The following ACER1 variants were observed in gnomAD, a reference collection of about 807,000 sequenced individuals.
ACER1 encodes the protein CTB-180A7.3.
In ACER1, 28 loss-of-function variants were observed where a neutral mutation model predicts 24.9. The ratio of observed to expected loss-of-function variants is 1.13; its 90% CI spans 0.83 to 1.54. ACER1 has a LOEUF of 1.54. ACER1 is among the 40% of genes most tolerant of loss of function. The probability of loss-of-function intolerance (pLI) is 0.00; values close to 1 mark genes in which losing one functional copy is unlikely to be tolerated. For missense variants in ACER1, 352 were observed against 349.3 expected (o/e 1.01, Z -0.06); for synonymous variants, 132 against 131.4 (o/e 1.00, Z -0.03).
At position 6,306,477 on chromosome 19, in the gene ACER1, G is replaced by A. The variant is rs534317452; in HGVS notation, c.*237C>T. 1.7e-5 allele frequency: 8 copies of A among 477,762 alleles called. No homozygotes were observed. The highest frequency in any genetic ancestry group is 3.0e-5 in the Non-Finnish European group (8 of 266,082). 29.6% of individuals were successfully genotyped at this position (477,762 alleles called of 1,614,324 possible). The stretch of plus-strand genomic sequence containing the variant: ...AGGAGGAAATGAAAGAGGATGGGGG[G>A]GGTCATGGAGGGGAGATGCACGAGA... On this transcript the variant is annotated 3_prime_UTR_variant, in exon 6 of 6. Transcript: ENST00000301452.
rs374057502 is a variant in ACER1 at position 6,306,737 on chromosome 19, G to A, written c.772C>T (p.Arg258Trp). The change falls in exon 6 of 6, where the codon CGG becomes TGG. Residue 258 changes from arginine (R) to tryptophan (W), a missense_variant. By Grantham distance (101) the Arg-to-Trp change is moderately radical. Coordinates refer to ENST00000301452, the MANE Select transcript of ACER1 (RefSeq NM_133492.3). ...TCTCAGCAGTCCTTGTCATCACCCC[G>A]GATTTCCACGTAGGGCAGCCCCACG... The part of the protein sequence containing the change: ...WPVGLPYVEI[R>W]GDDKDC The A allele has an allele frequency of 2.3e-4, 371 of 1,612,222 alleles. No individual in the cohort carries two copies. The highest frequency in any genetic ancestry group is 9.1e-4 in the East Asian group (41 of 44,888).
At chr19:6,328,615 G>C (rs987701162) in intron 1 of ACER1, among the ~76,000 whole-genome samples, 1 of 151,802 alleles carries the variant, frequency 6.6e-6, no homozygotes, top group Non-Finnish European at 1.5e-5. Context: ...GGAAGTGAAG[G>C]CACAAGGATT....
Position 6,324,721 on chromosome 19 carries a change from T to C in ACER1, c.93+8738A>G, listed in dbSNP as rs138804928. On this transcript the variant is annotated intron_variant, in intron 1 of 5. Transcript: ENST00000301452. ...CAGAGATTGCACTGTTGCACTTTAG[T>C]CTGGGCAACAAGAGCGAAACTCCAT... Among the ~76,000 whole-genome samples the C allele has an allele frequency of 4.5e-3, 679 of 150,802 alleles. 5 individuals carry two copies. The highest frequency in any genetic ancestry group is 0.016 in the African/African-American group (641 of 40,986).
chr19:6,352,218 A>G, the ACER1 span, among the ~76,000 whole-genome samples: 1 of 152,024 alleles, frequency 6.6e-6, no homozygotes, highest in Admixed American at 6.6e-5. Context: ...AGTCTATTTC[A>G]TCTCCTCTTC....
upstream of ACER1, among the ~76,000 whole-genome samples, chr19:6,336,819 CA>C (rs57500077): frequency 0.081 from 5,458 of 67,710 alleles, 144 homozygotes; most frequent in African/African-American, 0.14. Flanking sequence ...GACCCCGACT[CA>C]AAAAAAAAAA....
chr19:6,333,543 G>T lies in ACER1; in HGVS notation c.9C>A (p.Ser3Arg), dbSNP rs754815790. The change falls in exon 1 of 6, where the codon AGC becomes AGA. Residue 3 changes from serine (S) to arginine (R), a missense_variant. By Grantham distance (110) the Ser-to-Arg change is moderately radical (BLOSUM62 -1). Transcript: ENST00000301452. The part of the protein sequence containing the change: MP[S>R]IFAYQSSEVD... Reference sequence around the variant, plus strand: ...CCTCGGAGCTCTGATAGGCGAAGATGCTAGGCATCTTGTCTCAGTGGCCAC... The same window carrying T: ...CCTCGGAGCTCTGATAGGCGAAGATTCTAGGCATCTTGTCTCAGTGGCCAC... 1.3e-6 allele frequency: 2 copies of T among 1,582,124 alleles called. No homozygotes were observed. Among genetic ancestry groups the T allele is most frequent in the African/African-American group, 2.7e-5 (2 of 74,376 alleles).
At chr19:6,314,835 T>C (rs1025413645) in intron 1 of ACER1, among the ~76,000 whole-genome samples, 10 of 152,098 alleles carry the variant, frequency 6.6e-5, no homozygotes, top group African/African-American at 1.4e-4. Flanking sequence ...AACCCAATGA[T>C]TGGATAAAGA....
chr19:6,341,574 T>C, the ACER1 span, among the ~76,000 whole-genome samples: 1,892 of 151,546 alleles, frequency 0.012, 41 homozygotes, highest in African/African-American at 0.045. Flanking sequence ...AAAGGAACTA[T>C]ACCCATCTTA....
the ACER1 span, among the ~76,000 whole-genome samples, chr19:6,356,100 G>A: frequency 1.3e-5 from 2 of 151,452 alleles, no homozygotes; most frequent in African/African-American, 2.5e-5. Flanking sequence ...GGTAGACACG[G>A]GAGACTTTTC....
intron 1 of ACER1, among the ~76,000 whole-genome samples, chr19:6,331,902 G>A (rs75115707): frequency 6.6e-6 from 1 of 152,058 alleles, no homozygotes; most frequent in Non-Finnish European, 1.5e-5. Flanking sequence ...TATGGGCATG[G>A]CATAGCTGCA....
chr19:6,333,657 G>C, upstream of ACER1: 1 of 955,544 alleles, frequency 1.0e-6, no homozygotes, highest in South Asian at 1.7e-5. Flanking sequence ...GGTGCCCCGC[G>C]GCAGGCAGAC....
the ACER1 span, among the ~76,000 whole-genome samples, chr19:6,339,707 GCC>G: frequency 3.3e-5 from 5 of 151,940 alleles, no homozygotes; most frequent in Non-Finnish European, 7.4e-5. Flanking sequence ...TCTCTCTGTT[GCC>G]CAGGCTGGAG....
At position 6,311,625 on chromosome 19, in the gene ACER1, GAGGAGGAGAAGAAGAAGAAGAAGGAGA is replaced by G. The variant is rs1005061674; in HGVS notation, c.350+497_350+523del. ...GAAGAAGAAGGAGAAGGAGAAGGAG[GAGGAGGAGAAGAAGAAGAAGAAGGAGA>G]AGGAGGAGGAGAAGGAGGAGGAGAA... On this transcript the variant is annotated intron_variant, in intron 3 of 5. Transcript: ENST00000301452. 7.4e-5 allele frequency among the ~76,000 whole-genome samples: 11 copies of G among 148,644 alleles called. No homozygotes were observed. In the East Asian group the frequency reaches 2.1e-3, roughly 29 times the overall value.
chr19:6,356,184 G>C, the ACER1 span, among the ~76,000 whole-genome samples: 1 of 150,352 alleles, frequency 6.7e-6, no homozygotes, highest in Non-Finnish European at 1.5e-5. Flanking sequence ...CCAACCCTGT[G>C]CTCTCTGAAA....
intron 1 of ACER1, among the ~76,000 whole-genome samples, chr19:6,315,039 CT>C (rs35414377): frequency 0.15 from 22,321 of 151,296 alleles, 1,867 homozygotes; most frequent in East Asian, 0.29. Context: ...CTGCAGGTGC[CT>C]GCCACCACGC....
intron 1 of ACER1, among the ~76,000 whole-genome samples, chr19:6,313,267 C>T (rs58933546): frequency 0.014 from 2,106 of 152,062 alleles, 46 homozygotes; most frequent in African/African-American, 0.049. Context: ...TACAGGTGCC[C>T]GCCACCCCAC....
chr19:6,356,341 C>T, the ACER1 span, among the ~76,000 whole-genome samples: 1 of 149,142 alleles, frequency 6.7e-6, no homozygotes, highest in African/African-American at 2.5e-5. Flanking sequence ...CTGCGGAAGG[C>T]CGCAGGGTCC....
At chr19:6,347,109 AAT>A in the ACER1 span, among the ~76,000 whole-genome samples, 92 of 113,746 alleles carry the variant, frequency 8.1e-4, 1 homozygote, top group Middle Eastern at 4.0e-3. Flanking sequence ...AAAAAAAAAA[AAT>A]ATATATATAT....
intron 1 of ACER1, among the ~76,000 whole-genome samples, chr19:6,330,533 ACTT>A (rs2091682218): frequency 6.7e-6 from 1 of 149,784 alleles, no homozygotes; most frequent in Admixed American, 6.6e-5. Context: ...CTGGTCTTGA[ACTT>A]CTGGCCTCAA....
Sources: allele counts gnomAD v4.1 joint callset (sites outside exome capture counted in the v4.1 genomes callset), GRCh38; gene constraint gnomAD v4.1.1; transcripts MANE v1.5; gene names NCBI Gene and HGNC (gene_info 2026-07-23, HGNC 2026-07-21).